The following LCP1 variants were observed in gnomAD, a reference collection of about 807,000 sequenced individuals.
The protein encoded by LCP1 is lymphocyte cytosolic protein 1.
In LCP1, 23 loss-of-function variants were observed where a neutral mutation model predicts 72.0. The ratio of observed to expected loss-of-function variants is 0.32; its 90% CI spans 0.23 to 0.45. The LOEUF (loss-of-function observed/expected upper bound fraction) is 0.45. Among genes scored for constraint, LCP1 ranks in the 20% least tolerant of loss-of-function variants. LCP1 has a pLI of 1.00. For synonymous variants in LCP1, 245 were observed against 275.4 expected, an observed-to-expected ratio of 0.89 and a Z score of 1.09; for missense variants, 571 against 748.3, an observed-to-expected ratio of 0.76 and a Z score of 2.76.
rs929140415 is a variant in LCP1 at position 46,141,376 on chromosome 13, A to G, written c.1502+916T>C. Among the ~76,000 whole-genome samples the G allele has an allele frequency of 3.0e-5, 4 of 132,996 alleles. No homozygotes were observed. In the Admixed American group the frequency reaches 3.4e-4, roughly 11 times the overall value. 87.3% of individuals were successfully genotyped at this position (132,996 alleles called of 152,430 possible). A position where few individuals can be genotyped will look rare whatever the true frequency, so the allele number is the denominator to read the frequency against. The stretch of plus-strand genomic sequence containing the variant: ...AGCCAAGATCACACTACTGCACTCC[A>G]GTCTGGGCGACAGAGCAAGACTCTG... On this transcript the variant is annotated intron_variant, in intron 13 of 15. Coordinates refer to ENST00000323076, the MANE Select transcript of LCP1 (RefSeq NM_002298.5).
At chr13:46,133,451 C>A (rs1419983685) in intron 14 of LCP1, among the ~76,000 whole-genome samples, 2 of 152,006 alleles carry the variant, frequency 1.3e-5, no homozygotes, top group Admixed American at 6.6e-5. Flanking sequence ...CATAGTGAGA[C>A]CTCATTTCCA....
At chr13:46,140,305 C>T (rs1473921388) in intron 13 of LCP1, among the ~76,000 whole-genome samples, 1 of 152,170 alleles carries the variant, frequency 6.6e-6, no homozygotes. Context: ...TGGGGAAAAA[C>T]CCACCAGAAA....
intron 1 of LCP1, among the ~76,000 whole-genome samples, chr13:46,177,752 G>C (rs757597060): frequency 6.6e-6 from 1 of 152,126 alleles, no homozygotes; most frequent in Non-Finnish European, 1.5e-5. Flanking sequence ...AAGTTTTTGA[G>C]GGTGGAGATC....
At position 46,164,186 on chromosome 13, in the gene LCP1, G is replaced by A. The variant is rs796377579; in HGVS notation, c.-24-4500C>T. On this transcript the variant is annotated intron_variant, in intron 1 of 15. Coordinates refer to ENST00000323076, the MANE Select transcript of LCP1 (RefSeq NM_002298.5). ...ACACAAGAATGTTAGATTTTAGAGC[G>A]CTATCAGCAGCTAGCGATAAATATA... 9.2e-5 allele frequency among the ~76,000 whole-genome samples: 14 copies of A among 152,266 alleles called. 1 individual carries two copies. The highest frequency in any genetic ancestry group is 2.6e-4 in the African/African-American group (11 of 41,562).
At chr13:46,128,402 T>C (rs554053671) in intron 15 of LCP1, among the ~76,000 whole-genome samples, 1 of 152,174 alleles carries the variant, frequency 6.6e-6, no homozygotes, top group South Asian at 2.1e-4. Flanking sequence ...ATCGAGACCA[T>C]CCTGGCCAAC....
At chr13:46,154,760 G>A (rs779248741) in intron 6 of LCP1, 45 bp downstream of exon 6, 1 of 1,515,702 alleles carries the variant, frequency 6.6e-7, no homozygotes, top group East Asian at 2.3e-5. Context: ...GATGCTCATT[G>A]ATGCCAAACA....
At chr13:46,178,279 C>T (rs775451911) in intron 1 of LCP1, among the ~76,000 whole-genome samples, 1 of 152,114 alleles carries the variant, frequency 6.6e-6, no homozygotes, top group African/African-American at 2.4e-5. Flanking sequence ...CACTCCCCCC[C>T]ATCCCCCACC....
chr13:46,145,827 T>G (rs1394999726), intron 10 of LCP1, among the ~76,000 whole-genome samples: 1 of 98,608 alleles, frequency 1.0e-5, no homozygotes, highest in Non-Finnish European at 1.9e-5. Context: ...GAGAATGGCG[T>G]GAACCCGGGA....
chr13:46,130,970 C>T (rs1262560276), intron 14 of LCP1, 32 bp from the exon 15 acceptor site: 55 of 1,553,504 alleles, frequency 3.5e-5, no homozygotes, highest in Non-Finnish European at 4.3e-5. Context: ...GTTTCATCAA[C>T]GTGTCCCAAA....
At chr13:46,146,115 T>G (rs1199573455) in intron 10 of LCP1, among the ~76,000 whole-genome samples, 1 of 151,910 alleles carries the variant, frequency 6.6e-6, no homozygotes, top group East Asian at 1.9e-4. Flanking sequence ...ATATATAGAT[T>G]TGGGAGTCAA....
At chr13:46,148,591 CT>C (rs1256724723) in intron 8 of LCP1, 144 bp from the exon 9 acceptor site, 1 of 635,138 alleles carries the variant, frequency 1.6e-6, no homozygotes, top group African/African-American at 1.8e-5. Context: ...GAAACATTCA[CT>C]AATTTGAATG....
intron 1 of LCP1, among the ~76,000 whole-genome samples, chr13:46,172,843 A>T (rs908607022): frequency 2.0e-5 from 3 of 152,232 alleles, no homozygotes; most frequent in African/African-American, 4.8e-5. Flanking sequence ...AGGGAACTGA[A>T]CATGTTAGAA....
rs189054258 is a variant in LCP1 at position 46,170,742 on chromosome 13, A to G, written c.-24-11056T>C. ...TTGTAAATTTCTTCCTTCAATAGACATCTGCCAAACACCTACTATATGCCA... is the reference window on the plus strand; with the variant it reads ...TTGTAAATTTCTTCCTTCAATAGACGTCTGCCAAACACCTACTATATGCCA... On this transcript the variant is annotated intron_variant, in intron 1 of 15. Transcript: ENST00000323076. Among the ~76,000 whole-genome samples the G allele has an allele frequency of 2.1e-3, 323 of 152,360 alleles. 1 individual carries two copies. The highest frequency in any genetic ancestry group is 7.4e-3 in the African/African-American group (309 of 41,584).
At chr13:46,155,828 G>T (rs1287434053) in intron 5 of LCP1, among the ~76,000 whole-genome samples, 1 of 152,182 alleles carries the variant, frequency 6.6e-6, no homozygotes, top group East Asian at 1.9e-4. Flanking sequence ...ATCACTCAAA[G>T]GTTTCTTTGC....
chr13:46,165,663 G>A (rs2045872464), intron 1 of LCP1, among the ~76,000 whole-genome samples: 1 of 152,152 alleles, frequency 6.6e-6, no homozygotes, highest in African/African-American at 2.4e-5. Flanking sequence ...TGCATTGAGT[G>A]TGGCCCTTTT....
At chr13:46,153,008 T>C in intron 6 of LCP1, 63 bp from the exon 7 acceptor site, 4 of 1,463,760 alleles carry the variant, frequency 2.7e-6, no homozygotes, top group Middle Eastern at 1.8e-4. Flanking sequence ...ATAATACCGA[T>C]GGCAACAGTA....
At chr13:46,163,445 G>A (rs1298842984) in intron 1 of LCP1, among the ~76,000 whole-genome samples, 13 of 152,032 alleles carry the variant, frequency 8.6e-5, no homozygotes, top group South Asian at 6.2e-4. Context: ...CAGCATGCTC[G>A]TTAAGAGTCA....
In LCP1 at chr13:46,169,043, C is replaced by T. The variant is rs74074023; in HGVS notation, c.-24-9357G>A. On this transcript the variant is annotated intron_variant, in intron 1 of 15. Transcript: ENST00000323076. ...ATCTTAGAGATGATCTATCTGGCCA[C>T]TCCCCTGTCACAGAGGCATGAAATG... 2.2e-3 allele frequency among the ~76,000 whole-genome samples: 332 copies of T among 152,302 alleles called. 2 individuals carry two copies. Among genetic ancestry groups the T allele is most frequent in the African/African-American group, 7.1e-3 (295 of 41,552 alleles).
In LCP1 at chr13:46,126,861, T is replaced by G. The variant is rs562690056; in HGVS notation, c.*730A>C. The G allele has an allele frequency of 2.2e-5, 5 of 230,704 alleles. No individual in the cohort carries two copies. The highest frequency in any genetic ancestry group is 4.4e-5 in the African/African-American group (2 of 45,186). The allele number at this position is 230,704 out of a possible 1,614,324, so 14.3% of individuals were successfully genotyped here. A position where few individuals can be genotyped will look rare whatever the true frequency, so the allele number is the denominator to read the frequency against. On this transcript the variant is annotated 3_prime_UTR_variant, in exon 16 of 16. Transcript: ENST00000323076. ...CTGGTCCAAGCCCAAATTCTAGAGT[T>G]AAAAGCAGAGGGGTTCTTAGTGGCT...
Sources: gnomAD v4.1 joint callset for allele counts (sites outside exome capture counted in the v4.1 genomes callset) on GRCh38, gnomAD v4.1.1 for gene constraint, MANE v1.5 for transcripts, NCBI Gene and HGNC (gene_info 2026-07-23, HGNC 2026-07-21) for gene names.